The following ITPR2 variants were observed in gnomAD, a reference collection of about 807,000 sequenced individuals.
ITPR2 encodes the protein inositol 1,4,5-trisphosphate-gated calcium channel ITPR2.
Under a neutral mutation model 317.1 loss-of-function variants are expected in ITPR2, and 207 were observed. The observed-to-expected ratio is 0.65, with a 90% CI of 0.58 to 0.73. ITPR2 has a LOEUF of 0.73. ITPR2 is among the 30% of genes least tolerant of loss of function. The pLI is 0.00. For synonymous variants in ITPR2, 1,156 were observed against 1,149.1 expected (o/e 1.01, Z -0.12); for missense variants, 2,613 against 3,284.0 (o/e 0.80, Z 4.99).
chr12:26,538,496 C>G (rs1447421942), intron 37 of ITPR2, among the ~76,000 whole-genome samples: 2 of 152,186 alleles, frequency 1.3e-5, no homozygotes, highest in Non-Finnish European at 2.9e-5. Flanking sequence ...GGAGAAGCAT[C>G]AAAGAAAGCA....
At chr12:26,684,992 C>T (rs997949985) in intron 11 of ITPR2, among the ~76,000 whole-genome samples, 1 of 152,038 alleles carries the variant, frequency 6.6e-6, no homozygotes, top group African/African-American at 2.4e-5. Flanking sequence ...AGCAACATTT[C>T]TCATGAATGA....
At chr12:26,393,053 T>C (rs1047660980) in intron 54 of ITPR2, among the ~76,000 whole-genome samples, 12 of 152,194 alleles carry the variant, frequency 7.9e-5, no homozygotes, top group Non-Finnish European at 1.3e-4. Flanking sequence ...CTGAGTCATG[T>C]TTCACTTCCA....
At chr12:26,557,933 A>T (rs562116976) in intron 35 of ITPR2, among the ~76,000 whole-genome samples, 1 of 152,314 alleles carries the variant, frequency 6.6e-6, no homozygotes, top group African/African-American at 2.4e-5. Flanking sequence ...TATCAAGCAG[A>T]ACATTGCCAA....
intron 26 of ITPR2, among the ~76,000 whole-genome samples, chr12:26,606,438 A>G (rs1946130030): frequency 6.6e-6 from 1 of 152,142 alleles, no homozygotes; most frequent in Non-Finnish European, 1.5e-5. Flanking sequence ...AACATAAAAC[A>G]GTAGGTTCAA....
intron 1 of ITPR2, among the ~76,000 whole-genome samples, chr12:26,798,455 CTAT>C (rs1235518582): frequency 2.0e-5 from 3 of 152,164 alleles, no homozygotes; most frequent in Admixed American, 2.0e-4. Context: ...TGTTTAGCAT[CTAT>C]TTTTTTGAAG....
intron 55 of ITPR2, among the ~76,000 whole-genome samples, chr12:26,375,419 A>G (rs570043661): frequency 6.3e-4 from 96 of 152,346 alleles, no homozygotes; most frequent in African/African-American, 2.3e-3. Context: ...ATAATTTCAT[A>G]CTAAAATGTA....
intron 26 of ITPR2, among the ~76,000 whole-genome samples, chr12:26,616,888 A>G (rs747931791): frequency 5.3e-5 from 8 of 152,124 alleles, no homozygotes; most frequent in Non-Finnish European, 1.2e-4. Context: ...TGATGATCCA[A>G]TTCCATTTAA....
intron 2 of ITPR2, among the ~76,000 whole-genome samples, chr12:26,741,440 G>A (rs1340394594): frequency 2.0e-5 from 3 of 152,124 alleles, no homozygotes; most frequent in African/African-American, 7.2e-5. Context: ...CAGGACCTCT[G>A]TTTTAGCCAG....
intron 1 of ITPR2, among the ~76,000 whole-genome samples, chr12:26,821,797 G>A (rs1200875650): frequency 6.6e-6 from 1 of 152,176 alleles, no homozygotes; most frequent in Non-Finnish European, 1.5e-5. Context: ...AAGAGTTCCA[G>A]GGCAATTCAC....
Position 26,832,713 on chromosome 12 carries a change from G to T in ITPR2, c.69C>A (p.Val23=). 5.0e-6 allele frequency: 8 copies of T among 1,600,174 alleles called. No individual in the cohort carries two copies. The highest frequency in any genetic ancestry group is 6.8e-6 in the Non-Finnish European group (8 of 1,174,222). The change falls in exon 1 of 57, where the codon GTC becomes GTA. Residue 23 remains valine, a synonymous_variant. Transcript: ENST00000381340. The part of the protein sequence containing the change: ...DIVSLYAEGS[V]NGFISTLGLV... The stretch of plus-strand genomic sequence containing the variant: ...ACCCCAAGGTGCTGATGAAGCCGTT[G>T]ACCGAGCCCTCCGCGTACAGGGACA...
At chr12:26,543,115 T>C (rs16930955) in intron 37 of ITPR2, among the ~76,000 whole-genome samples, 15,079 of 152,148 alleles carry the variant, frequency 0.099, 1,052 homozygotes, top group African/African-American at 0.19. Flanking sequence ...ATGCGGGAAA[T>C]TGACCCCCAA....
chr12:26,722,644 C>T (rs1948856972), intron 4 of ITPR2, 89 bp from the exon 5 acceptor site: 1 of 892,334 alleles, frequency 1.1e-6, no homozygotes, highest in Non-Finnish European at 1.7e-6. Context: ...ATCATATATT[C>T]ATCTAACATG....
At position 26,335,572 on chromosome 12, in the gene ITPR2, G is replaced by A. The variant is rs9442; in HGVS notation, c.*3825C>T. 0.4 allele frequency among the ~76,000 whole-genome samples: 61,018 copies of A among 152,018 alleles called. 12,551 individuals are homozygous for A. Among genetic ancestry groups the A allele is most frequent in the East Asian group, 0.53 (2,752 of 5,158 alleles). ...ACCTGGATTTGTTTTCAGCTTTCTC[G>A]ATTTTCACATGCACGTTAGGCTATC... is the stretch of plus-strand genomic sequence containing the variant. On this transcript the variant is annotated 3_prime_UTR_variant, in exon 57 of 57. Transcript: ENST00000381340.
chr12:26,550,886 C>G (rs1326061049), intron 36 of ITPR2, among the ~76,000 whole-genome samples: 1 of 151,766 alleles, frequency 6.6e-6, no homozygotes, highest in Non-Finnish European at 1.5e-5. Flanking sequence ...GTATTAAGAG[C>G]AAAAAACAAA....
At chr12:26,677,811 T>C (rs1177723711) in intron 13 of ITPR2, among the ~76,000 whole-genome samples, 1 of 152,196 alleles carries the variant, frequency 6.6e-6, no homozygotes, top group Admixed American at 6.5e-5. Flanking sequence ...AGATTGCTGG[T>C]GTCAGGATAG....
In ITPR2 at chr12:26,722,511, T is replaced by C; in HGVS notation, c.411A>G (p.Arg137=). The change falls in exon 5 of 57, where the codon AGA becomes AGG. Residue 137 remains arginine, a synonymous_variant. Transcript: ENST00000381340. ...KSNKYLTVNK[R]LPALLEKNAM... The stretch of plus-strand genomic sequence containing the variant: ...CATTCTTCTCCAGTAAAGCAGGTAA[T>C]CTCTTGTTGACAGTAAGATATTTGT... The C allele has an allele frequency of 1.2e-6, 2 of 1,613,212 alleles. No individual in the cohort carries two copies. The highest frequency in any genetic ancestry group is 1.7e-6 in the Non-Finnish European group (2 of 1,179,408).
At chr12:26,653,433 G>A (rs1208796544) in intron 21 of ITPR2, among the ~76,000 whole-genome samples, 1 of 151,922 alleles carries the variant, frequency 6.6e-6, no homozygotes, top group African/African-American at 2.4e-5. Flanking sequence ...GCAGAGACGG[G>A]TTTTCACCAT....
At chr12:26,669,149 T>A (rs952938712) in intron 13 of ITPR2, among the ~76,000 whole-genome samples, 14 of 151,702 alleles carry the variant, frequency 9.2e-5, no homozygotes, top group African/African-American at 3.1e-4. Context: ...ATTATAATTA[T>A]TTAAATAAAA....
intron 37 of ITPR2, among the ~76,000 whole-genome samples, chr12:26,527,769 A>C (rs1943845994): frequency 6.6e-6 from 1 of 152,246 alleles, no homozygotes; most frequent in South Asian, 2.1e-4. Flanking sequence ...TCTCCCACAG[A>C]AACATGAACC....
Sources: gnomAD v4.1 joint callset for allele counts (sites outside exome capture counted in the v4.1 genomes callset) on GRCh38, gnomAD v4.1.1 for gene constraint, MANE v1.5 for transcripts, NCBI Gene and HGNC (gene_info 2026-07-23, HGNC 2026-07-21) for gene names.